The following KCTD16 variants were observed in gnomAD, a reference collection of about 807,000 sequenced individuals.
KCTD16 encodes the protein BTB/POZ domain-containing protein KCTD16.
Under a neutral mutation model 33.2 loss-of-function variants are expected in KCTD16, and 13 were observed. That is an observed-to-expected ratio of 0.39 (90% CI 0.25 to 0.62). The LOEUF is 0.62. Among genes scored for constraint, KCTD16 ranks in the 20% least tolerant of loss-of-function variants. The pLI is 0.50. For missense variants in KCTD16, 441 were observed against 525.1 expected (o/e 0.84, Z 1.57); for synonymous variants, 197 against 195.3 (o/e 1.01, Z -0.07).
chr5:144,188,693 G>A (rs994491592), intron 2 of KCTD16, among the ~76,000 whole-genome samples: 1 of 152,190 alleles, frequency 6.6e-6, no homozygotes, highest in Non-Finnish European at 1.5e-5. Context: ...TACATGAAGA[G>A]AAATGTATCA....
intron 3 of KCTD16, among the ~76,000 whole-genome samples, chr5:144,292,983 C>T (rs1348152435): frequency 6.6e-6 from 1 of 152,168 alleles, no homozygotes; most frequent in African/African-American, 2.4e-5. Context: ...AATTTCTTTG[C>T]CTTTTTGTAC....
At chr5:144,388,241 A>G (rs564014147) in intron 3 of KCTD16, among the ~76,000 whole-genome samples, 7 of 150,376 alleles carry the variant, frequency 4.7e-5, no homozygotes, top group African/African-American at 1.7e-4. Context: ...CACCACGCCC[A>G]GCTATTTTTT....
intron 3 of KCTD16, among the ~76,000 whole-genome samples, chr5:144,383,842 G>T (rs562772514): frequency 6.6e-6 from 1 of 152,096 alleles, no homozygotes; most frequent in Non-Finnish European, 1.5e-5. Context: ...GACCATCTGA[G>T]CCGAGGCTTA....
chr5:144,198,054 A>G (rs370241755), intron 2 of KCTD16, among the ~76,000 whole-genome samples: 9 of 152,254 alleles, frequency 5.9e-5, no homozygotes, highest in Middle Eastern at 3.4e-3. Context: ...GGGTTAAGAG[A>G]GGGTGGTTTT....
At chr5:144,191,083 G>A (rs1055660921) in intron 2 of KCTD16, among the ~76,000 whole-genome samples, 3 of 152,194 alleles carry the variant, frequency 2.0e-5, no homozygotes, top group Non-Finnish European at 4.4e-5. Context: ...TTTCTTTCAT[G>A]GCTGGGGGAT....
At chr5:144,472,275 T>C (rs183839826) in intron 3 of KCTD16, among the ~76,000 whole-genome samples, 1 of 152,312 alleles carries the variant, frequency 6.6e-6, no homozygotes, top group Non-Finnish European at 1.5e-5. Flanking sequence ...ATGTAATACA[T>C]GATCGGTAAA....
intron 3 of KCTD16, among the ~76,000 whole-genome samples, chr5:144,359,375 C>G (rs757050706): frequency 6.6e-6 from 1 of 152,114 alleles, no homozygotes; most frequent in African/African-American, 2.4e-5. Context: ...TCATCATTAA[C>G]CCTCTCTTTT....
At chr5:144,437,931 A>C (rs2126974436) in intron 3 of KCTD16, among the ~76,000 whole-genome samples, 1 of 152,250 alleles carries the variant, frequency 6.6e-6, no homozygotes, top group African/African-American at 2.4e-5. Flanking sequence ...GGACACTTCA[A>C]ATGTGGCTAT....
At chr5:144,415,830 C>G (rs1753041599) in intron 3 of KCTD16, among the ~76,000 whole-genome samples, 1 of 152,146 alleles carries the variant, frequency 6.6e-6, no homozygotes, top group Non-Finnish European at 1.5e-5. Flanking sequence ...AGGAATAGGA[C>G]TTAATCTGGA....
intron 2 of KCTD16, among the ~76,000 whole-genome samples, chr5:144,180,775 G>A (rs1752605315): frequency 6.6e-6 from 1 of 152,096 alleles, no homozygotes; most frequent in African/African-American, 2.4e-5. Context: ...TGTAGTCTGG[G>A]GAAGAGTATC....
chr5:144,397,782 A>G (rs1263141788), intron 3 of KCTD16, among the ~76,000 whole-genome samples: 2 of 152,216 alleles, frequency 1.3e-5, no homozygotes, highest in Admixed American at 1.3e-4. Context: ...ACCTGACTTC[A>G]AACTATACTA....
intron 3 of KCTD16, among the ~76,000 whole-genome samples, chr5:144,391,865 A>G (rs752898875): frequency 1.2e-4 from 19 of 152,194 alleles, no homozygotes; most frequent in Non-Finnish European, 2.4e-4. Flanking sequence ...TTTATTAGAC[A>G]TTAATAGTAG....
At chr5:144,237,125 T>A (rs925123175) in intron 3 of KCTD16, among the ~76,000 whole-genome samples, 2 of 152,146 alleles carry the variant, frequency 1.3e-5, no homozygotes, top group South Asian at 2.1e-4. Context: ...GCATTCTGGG[T>A]CCCTACCCAG....
intron 3 of KCTD16, among the ~76,000 whole-genome samples, chr5:144,299,111 T>TC (rs1756149511): frequency 7.7e-5 from 1 of 12,980 alleles, no homozygotes; most frequent in Non-Finnish European, 1.3e-4. Context: ...TATATATATA[T>TC]ATATATATAT....
chr5:144,264,159 A>G (rs185714340), intron 3 of KCTD16, among the ~76,000 whole-genome samples: 4 of 152,346 alleles, frequency 2.6e-5, no homozygotes, highest in African/African-American at 9.6e-5. Flanking sequence ...TTCATCTGAA[A>G]TTAATTTAAA....
intron 3 of KCTD16, among the ~76,000 whole-genome samples, chr5:144,267,620 A>T (rs1755181510): frequency 6.6e-6 from 1 of 152,030 alleles, no homozygotes; most frequent in Non-Finnish European, 1.5e-5. Flanking sequence ...TGTAGGTTGT[A>T]TTTAGGGGTC....
At chr5:144,302,677 T>C (rs954338165) in intron 3 of KCTD16, among the ~76,000 whole-genome samples, 3 of 152,216 alleles carry the variant, frequency 2.0e-5, no homozygotes, top group Admixed American at 6.5e-5. Context: ...AAAGAATAAC[T>C]TAACTGTAAA....
At chr5:144,214,589 G>T (rs1753503025) in intron 3 of KCTD16, among the ~76,000 whole-genome samples, 1 of 152,046 alleles carries the variant, frequency 6.6e-6, no homozygotes, top group South Asian at 2.1e-4. Flanking sequence ...TTAGTTCTTG[G>T]ATACTTTTGT....
chr5:144,348,808 G>T (rs1053411980), intron 3 of KCTD16, among the ~76,000 whole-genome samples: 11 of 152,130 alleles, frequency 7.2e-5, no homozygotes, highest in African/African-American at 2.7e-4. Flanking sequence ...ACTTGTGTTT[G>T]TTTATTCTAG....
Sources: gnomAD v4.1 joint callset for allele counts (sites outside exome capture counted in the v4.1 genomes callset) on GRCh38, gnomAD v4.1.1 for gene constraint, MANE v1.5 for transcripts, NCBI Gene and HGNC (gene_info 2026-07-23, HGNC 2026-07-21) for gene names.